Variants in DNAH14 observed in about 807,000 individuals in gnomAD.
The protein encoded by DNAH14 is axonemal beta dynein heavy chain 14.
Under a neutral mutation model 520.9 loss-of-function variants are expected in DNAH14, and 478 were observed. That is an observed-to-expected ratio of 0.92 (90% CI 0.85 to 0.99). The LOEUF (loss-of-function observed/expected upper bound fraction) is 0.99. DNAH14 is among the 50% of genes least tolerant of loss of function. The pLI, the probability that DNAH14 is intolerant of heterozygous loss-of-function variation, is 0.00. For missense variants in DNAH14, 4,831 were observed against 5,234.5 expected, an observed-to-expected ratio of 0.92 and a Z score of 2.38; for synonymous variants, 1,581 against 1,757.2, an observed-to-expected ratio of 0.90 and a Z score of 2.51.
At chr1:225,195,828 A>G (rs939213087) in intron 38 of DNAH14, among the ~76,000 whole-genome samples, 1 of 152,014 alleles carries the variant, frequency 6.6e-6, no homozygotes, top group Admixed American at 6.6e-5. Context: ...TTTTCTCATC[A>G]GGTTTTCAAA....
chr1:224,981,965 C>T (rs758635163), intron 8 of DNAH14, among the ~76,000 whole-genome samples: 4 of 152,214 alleles, frequency 2.6e-5, no homozygotes, highest in South Asian at 2.1e-4. Flanking sequence ...TGAAGGCAGC[C>T]GGTTTTTACC....
At chr1:225,380,669 G>A (rs2095768481) in intron 80 of DNAH14, among the ~76,000 whole-genome samples, 1 of 152,152 alleles carries the variant, frequency 6.6e-6, no homozygotes, top group Non-Finnish European at 1.5e-5. Context: ...AAGTTTAGAT[G>A]GACCTTCTGC....
At chr1:225,338,392 C>G in intron 68 of DNAH14, 1 of 703,570 alleles carries the variant, frequency 1.4e-6, no homozygotes, top group South Asian at 1.6e-5. Flanking sequence ...CAAACCAACA[C>G]TTTTCAAACT....
chr1:225,371,272 T>C (rs923047401), intron 77 of DNAH14, among the ~76,000 whole-genome samples: 7 of 152,136 alleles, frequency 4.6e-5, no homozygotes, highest in African/African-American at 1.7e-4. Flanking sequence ...TGTAACCAAG[T>C]TGGGTTTATT....
chr1:225,178,514 A>G (rs2083588763), intron 36 of DNAH14, among the ~76,000 whole-genome samples: 1 of 152,186 alleles, frequency 6.6e-6, no homozygotes, highest in Admixed American at 6.5e-5. Context: ...TCTGGGAGAT[A>G]CAATTCAAGT....
At chr1:225,007,122 G>A (rs2064237147) in intron 9 of DNAH14, among the ~76,000 whole-genome samples, 1 of 152,082 alleles carries the variant, frequency 6.6e-6, no homozygotes, top group South Asian at 2.1e-4. Context: ...TGGGATTGGT[G>A]GATTCTCTGC....
At chr1:225,148,882 C>A (rs1573510437) in intron 31 of DNAH14, among the ~76,000 whole-genome samples, 1 of 151,974 alleles carries the variant, frequency 6.6e-6, no homozygotes, top group South Asian at 2.1e-4. Context: ...AATTTTCTTC[C>A]GTTCTGTGGG....
At chr1:225,138,315 C>T (rs554911801) in intron 27 of DNAH14, among the ~76,000 whole-genome samples, 1 of 152,316 alleles carries the variant, frequency 6.6e-6, no homozygotes, top group South Asian at 2.1e-4. Flanking sequence ...TCCCCCAAAC[C>T]GCAGAGATTG....
intron 5 of DNAH14, among the ~76,000 whole-genome samples, chr1:224,966,899 G>A (rs1421626176): frequency 6.6e-6 from 1 of 152,084 alleles, no homozygotes; most frequent in East Asian, 1.9e-4. Context: ...AAAATATTAA[G>A]CCTTAGTTTC....
chr1:224,971,472 T>A (rs1027672098), intron 7 of DNAH14, among the ~76,000 whole-genome samples: 1 of 152,178 alleles, frequency 6.6e-6, no homozygotes, highest in Non-Finnish European at 1.5e-5. Context: ...GATAGAACTG[T>A]GAAAAAATAT....
intron 55 of DNAH14, among the ~76,000 whole-genome samples, chr1:225,297,226 T>C (rs1202401992): frequency 6.6e-6 from 1 of 152,128 alleles, no homozygotes; most frequent in Non-Finnish European, 1.5e-5. Flanking sequence ...CTTTTTGTGA[T>C]ATATATCTCC....
intron 19 of DNAH14, among the ~76,000 whole-genome samples, chr1:225,082,171 G>GGGGTGTGTGTGTGTGT (rs1553434190): frequency 6.2e-5 from 9 of 145,322 alleles, no homozygotes; most frequent in South Asian, 4.5e-4. Flanking sequence ...GAATGTTTGT[G>GGGGTGTGTGTGTGTGT]GTGTGTGTGT....
At chr1:224,998,363 G>GCCTAGATTATTGATTTCGCAAA (rs1384256608) in intron 8 of DNAH14, among the ~76,000 whole-genome samples, 35 of 152,132 alleles carry the variant, frequency 2.3e-4, no homozygotes, top group African/African-American at 7.9e-4. Context: ...TAAAGTGAGA[G>GCCTAGATTATTGATTTCGCAAA]CCTAGATTAT....
At chr1:225,162,475 C>A (rs2081611932) in intron 35 of DNAH14, among the ~76,000 whole-genome samples, 1 of 152,208 alleles carries the variant, frequency 6.6e-6, no homozygotes, top group Middle Eastern at 3.4e-3. Context: ...TAATGTGATT[C>A]CTCCAGTTTG....
At position 225,335,413 on chromosome 1, in the gene DNAH14, A is replaced by ACATATGCACGTGTGTACATGTGTGTG. The variant is rs2094942173; in HGVS notation, c.10081-1853_10081-1852insCATATGCACGTGTGTACATGTGTGTG. Among the ~76,000 whole-genome samples the ACATATGCACGTGTGTACATGTGTGTG allele has an allele frequency of 2.0e-5, 2 of 99,958 alleles. 1 individual carries two copies. Among genetic ancestry groups the ACATATGCACGTGTGTACATGTGTGTG allele is most frequent in the African/African-American group, 9.6e-5 (2 of 20,794 alleles). 65.6% of individuals were successfully genotyped at this position (99,958 alleles called of 152,430 possible). A position where few individuals can be genotyped will look rare whatever the true frequency, so the allele number is the denominator to read the frequency against. On this transcript the variant is annotated intron_variant, in intron 66 of 85. Transcript: ENST00000682510. ...TATACACATGTGTACATGTGTGTGT[A>ACATATGCACGTGTGTACATGTGTGTG]TGCACATATGCACGTGTGTACATGT...
chr1:225,335,748 C>T (rs1299372051), intron 66 of DNAH14, among the ~76,000 whole-genome samples: 3 of 64,504 alleles, frequency 4.7e-5, no homozygotes, highest in African/African-American at 8.4e-5. Context: ...TATGTATATA[C>T]GCATATATAC....
At chr1:225,294,883 TTG>T (rs2093973821) in intron 55 of DNAH14, among the ~76,000 whole-genome samples, 1 of 151,840 alleles carries the variant, frequency 6.6e-6, no homozygotes, top group African/African-American at 2.4e-5. Context: ...GGATTTTTTG[TTG>T]TTGTTGTTGT....
At chr1:225,386,543 C>T (rs939277705) in intron 81 of DNAH14, among the ~76,000 whole-genome samples, 2 of 152,100 alleles carry the variant, frequency 1.3e-5, no homozygotes, top group Non-Finnish European at 2.9e-5. Flanking sequence ...AGAAAAAAAT[C>T]AAATAACCCT....
chr1:225,371,144 A>G (rs1171779900), intron 77 of DNAH14, among the ~76,000 whole-genome samples: 2 of 152,214 alleles, frequency 1.3e-5, no homozygotes, highest in African/African-American at 2.4e-5. Flanking sequence ...TAGTTTTAAT[A>G]TGAATACCTG....
Sources: allele counts gnomAD v4.1 joint callset (sites outside exome capture counted in the v4.1 genomes callset), GRCh38; gene constraint gnomAD v4.1.1; transcripts MANE v1.5; gene names NCBI Gene and HGNC (gene_info 2026-07-23, HGNC 2026-07-21).